ERC1: variants seen among roughly 807,000 people sequenced by gnomAD.
ERC1 encodes the protein ELKS/RAB6-interacting/CAST family member 1.
A neutral mutation model predicts 132.0 loss-of-function variants in ERC1; 56 were observed. That is an observed-to-expected ratio of 0.42 (90% CI 0.34 to 0.53). The LOEUF is 0.53. ERC1 is among the 20% of genes least tolerant of loss of function. The pLI is 0.03. For missense variants in ERC1, 1,202 were observed against 1,349.9 expected (o/e 0.89, Z 1.72); for synonymous variants, 478 against 476.1 (o/e 1.00, Z -0.05).
At chr12:1,343,919 G>T (rs1476187060) in intron 15 of ERC1, among the ~76,000 whole-genome samples, 1 of 151,910 alleles carries the variant, frequency 6.6e-6, no homozygotes, top group African/African-American at 2.4e-5. Flanking sequence ...TCCGCTCACT[G>T]TAAGCTCCGC....
At chr12:1,271,864 A>T (rs1470805182) in intron 14 of ERC1, among the ~76,000 whole-genome samples, 5 of 152,178 alleles carry the variant, frequency 3.3e-5, no homozygotes, top group South Asian at 2.1e-4. Flanking sequence ...AGGCTTGCTC[A>T]TCTCATCTGA....
chr12:1,124,901 G>A (rs888202142), intron 7 of ERC1, among the ~76,000 whole-genome samples: 5 of 152,230 alleles, frequency 3.3e-5, no homozygotes, highest in Admixed American at 2.0e-4. Context: ...AACAACAGTC[G>A]TTATAGAAAT....
intron 17 of ERC1, among the ~76,000 whole-genome samples, chr12:1,432,862 A>G (rs75956901): frequency 0.018 from 2,763 of 152,334 alleles, 40 homozygotes; most frequent in Non-Finnish European, 0.03. Flanking sequence ...ATCTGTCTCT[A>G]GTGAGCGTAG....
At chr12:1,317,618 G>A (rs1424654448) in intron 15 of ERC1, among the ~76,000 whole-genome samples, 2 of 152,164 alleles carry the variant, frequency 1.3e-5, no homozygotes, top group East Asian at 3.8e-4. Context: ...TGAATATTGG[G>A]AGACTTTTTG....
chr12:1,068,435 CCTTT>C (rs2154180270), intron 2 of ERC1, among the ~76,000 whole-genome samples: 1 of 151,996 alleles, frequency 6.6e-6, no homozygotes, highest in South Asian at 2.1e-4. Context: ...CTCTTCTGGC[CCTTT>C]CTTATTTATT....
intron 2 of ERC1, among the ~76,000 whole-genome samples, chr12:1,050,772 G>A (rs984453002): frequency 3.3e-5 from 5 of 152,152 alleles, no homozygotes; most frequent in South Asian, 2.1e-4. Flanking sequence ...TTGGGAGGCC[G>A]AGGCGGGTTG....
intron 17 of ERC1, among the ~76,000 whole-genome samples, chr12:1,413,174 G>A (rs999739567): frequency 2.0e-5 from 3 of 152,086 alleles, no homozygotes; most frequent in Non-Finnish European, 2.9e-5. Flanking sequence ...ATGACATTTA[G>A]TCAGTGAAAT....
chr12:1,110,445 T>C, intron 5 of ERC1, 98 bp downstream of exon 5: 1 of 963,084 alleles, frequency 1.0e-6, no homozygotes, highest in Non-Finnish European at 1.5e-6. Flanking sequence ...TTTTACACTC[T>C]TTTATCAGGT....
chr12:1,025,422 TTTTAA>T (rs1966847268), intron 1 of ERC1, among the ~76,000 whole-genome samples: 1 of 152,222 alleles, frequency 6.6e-6, no homozygotes, highest in African/African-American at 2.4e-5. Context: ...TTGGTTTATC[TTTTAA>T]TTTTATTTAC....
At chr12:1,109,663 G>A (rs1464991745) in intron 4 of ERC1, among the ~76,000 whole-genome samples, 1 of 152,176 alleles carries the variant, frequency 6.6e-6, no homozygotes, top group Admixed American at 6.5e-5. Context: ...TTTAAAGGGT[G>A]CAGAGCTGGA....
chr12:1,237,879 A>G (rs1393062023), intron 13 of ERC1, among the ~76,000 whole-genome samples: 1 of 152,220 alleles, frequency 6.6e-6, no homozygotes, highest in African/African-American at 2.4e-5. Flanking sequence ...GATACTGTGT[A>G]TATGCCGCAA....
rs144491687 is a variant in ERC1, at chr12:1,371,712, G to A, written c.2781-121G>A. On this transcript the variant is annotated intron_variant, in intron 15 of 18. Transcript: ENST00000360905. ...AAAGAATTGTTGGAAGGGGTGAATG[G>A]CGCTGTTGGCGTTTGCTTTCTTGGT... 8.9e-5 allele frequency: 106 copies of A among 1,192,248 alleles called. 3 individuals carry two copies. In the African/African-American group the frequency reaches 1.0e-3, roughly 12 times the overall value. The allele number at this position is 1,192,248 out of a possible 1,614,324, so 73.9% of individuals were successfully genotyped here.
intron 15 of ERC1, among the ~76,000 whole-genome samples, chr12:1,308,574 A>C (rs1458688818): frequency 6.6e-6 from 1 of 152,216 alleles, no homozygotes; most frequent in African/African-American, 2.4e-5. Context: ...CAAAATAAAT[A>C]CTTAACAGTT....
At chr12:1,017,495 A>ATTTTTTTTTTTTTTT (rs67654163) in intron 1 of ERC1, among the ~76,000 whole-genome samples, 1 of 124,906 alleles carries the variant, frequency 8.0e-6, no homozygotes, top group Non-Finnish European at 1.7e-5. Flanking sequence ...TTGTTCTGGT[A>ATTTTTTTTTTTTTTT]TTTTTTTTTT....
chr12:1,118,105 A>G (rs112267555), intron 7 of ERC1, among the ~76,000 whole-genome samples: 3,785 of 152,288 alleles, frequency 0.025, 156 homozygotes, highest in African/African-American at 0.086. Flanking sequence ...TTAAAATGTA[A>G]TAGCTTTATT....
chr12:1,148,043 A>C (rs550417805), intron 8 of ERC1, among the ~76,000 whole-genome samples: 77 of 152,332 alleles, frequency 5.1e-4, no homozygotes, highest in Middle Eastern at 3.4e-3. Flanking sequence ...TTTGCCTTTC[A>C]GATCATGAGA....
chr12:1,316,050 G>A (rs112963010), intron 15 of ERC1, among the ~76,000 whole-genome samples: 3 of 152,004 alleles, frequency 2.0e-5, no homozygotes, highest in South Asian at 2.1e-4. Context: ...CATCACGCCC[G>A]ACTAATTTTT....
At chr12:1,153,186 C>T (rs1419921432) in intron 8 of ERC1, 4 of 152,216 alleles carry the variant, frequency 2.6e-5, no homozygotes, top group African/African-American at 9.7e-5. Context: ...AGAAAATCTC[C>T]AAGGCTTGAT....
chr12:1,056,411 G>A (rs1592991942), intron 2 of ERC1, among the ~76,000 whole-genome samples: 1 of 152,114 alleles, frequency 6.6e-6, no homozygotes, highest in East Asian at 1.9e-4. Flanking sequence ...GCAAAAGAAA[G>A]AGAAGAGCTC....
Sources: gnomAD v4.1 joint callset for allele counts (sites outside exome capture counted in the v4.1 genomes callset) on GRCh38, gnomAD v4.1.1 for gene constraint, MANE v1.5 for transcripts, NCBI Gene and HGNC (gene_info 2026-07-23, HGNC 2026-07-21) for gene names.